ROGDI: variants seen among roughly 807,000 people sequenced by gnomAD.
ROGDI encodes rogdi atypical leucine zipper.
ROGDI carries 46 observed loss-of-function variants against 43.1 expected under a neutral mutation model. That is an observed-to-expected ratio of 1.07 (90% CI 0.84 to 1.37). ROGDI has a LOEUF of 1.37. Among genes scored for constraint, ROGDI ranks in the 40% most tolerant of loss-of-function variants. The pLI is 0.00. For synonymous variants in ROGDI, 243 were observed against 162.0 expected (o/e 1.50, Z -3.80); for missense variants, 518 against 383.9 (o/e 1.35, Z -2.92).
At chr16:4,798,041 G>C (rs761076573) in intron 8 of ROGDI, 30 bp downstream of exon 8, 18 of 1,613,476 alleles carry the variant, frequency 1.1e-5, no homozygotes, top group Non-Finnish European at 1.4e-5. Context: ...TGCATGGCGG[G>C]CAGTGGGCCG....
rs202112305 is a variant in ROGDI at position 4,797,426 on chromosome 16, C to G, written c.*34G>C. 1.2e-6 allele frequency: 2 copies of G among 1,602,654 alleles called. No individual in the cohort carries two copies. The highest frequency in any genetic ancestry group is 2.2e-5 in the South Asian group (2 of 89,334). On this transcript the variant is annotated 3_prime_UTR_variant, in exon 11 of 11. Transcript: ENST00000322048. ...GGTGGGTATGAGTAGGGGACGGGGC[C>G]GCCTTCCTGGAGACAAGCTCCTGGG... is the stretch of plus-strand genomic sequence containing the variant.
chr16:4,802,265 A>G, intron 2 of ROGDI, 117 bp downstream of exon 2: 1 of 961,720 alleles, frequency 1.0e-6, no homozygotes, highest in Non-Finnish European at 1.6e-6. Context: ...CCTGCCTGAA[A>G]GCCGCGGCAG....
chr16:4,802,167 C>A (rs537216996), intron 2 of ROGDI: 6 of 652,562 alleles, frequency 9.2e-6, no homozygotes, highest in East Asian at 5.8e-5. Flanking sequence ...GGGACTCAGG[C>A]CCTTGCTAGC....
chr16:4,800,352 C>A (rs984195853), intron 5 of ROGDI, 146 bp downstream of exon 5: 10 of 679,746 alleles, frequency 1.5e-5, no homozygotes, highest in Admixed American at 2.8e-5. Context: ...GAAACGCCTG[C>A]CCCCAGCTTT....
At chr16:4,802,218 A>C in intron 2 of ROGDI, 164 bp downstream of exon 2, 1 of 693,292 alleles carries the variant, frequency 1.4e-6, no homozygotes, top group Non-Finnish European at 2.5e-6. Context: ...ACAGGTACTT[A>C]TATAATGAGG....
At chr16:4,798,314 T>C in intron 7 of ROGDI, 130 bp from the exon 8 acceptor site, 1 of 832,204 alleles carries the variant, frequency 1.2e-6, no homozygotes, top group South Asian at 1.6e-5. Flanking sequence ...TTCTCATCAA[T>C]GGGGGCTTCC....
At chr16:4,802,353 G>A (rs1036982906) in intron 2 of ROGDI, 29 bp downstream of exon 2, 3 of 1,544,184 alleles carry the variant, frequency 1.9e-6, no homozygotes, top group Non-Finnish European at 1.7e-6. Flanking sequence ...GGGCCGCCAC[G>A]CCCGGCGGGG....
chr16:4,800,610 T>A, intron 4 of ROGDI, 32 bp from the exon 5 acceptor site: 1 of 1,514,126 alleles, frequency 6.6e-7, no homozygotes, highest in Non-Finnish European at 9.0e-7. Flanking sequence ...AGCTGGGCAG[T>A]GGGGGGGCAC....
chr16:4,800,916 T>A, intron 4 of ROGDI: 1 of 487,440 alleles, frequency 2.1e-6, no homozygotes, highest in Non-Finnish European at 3.6e-6. Context: ...GAGGGGGGCC[T>A]CCCCCCACGC....
intron 2 of ROGDI, chr16:4,801,936 G>T (rs1044421222): frequency 1.1e-4 from 61 of 570,114 alleles, no homozygotes; most frequent in Non-Finnish European, 2.0e-4. Context: ...GCCACAGCAA[G>T]CACTACGCCG....
rs370388318 is a variant in ROGDI at position 4,797,839 on chromosome 16, C to T, written c.697G>A (p.Glu233Lys). Residue 233 changes from glutamate (E) to lysine (K), a missense_variant and splice_region_variant, in exon 10 of 11, where the codon GAG becomes AAG. Glu to Lys is a moderately conservative substitution (Grantham distance 56). Transcript: ENST00000322048. ...AVLHSPGAMF[E>K]WGSQRLEVSH... ...ACCTCCAGGCGCTGAGAGCCCCACT[C>T]GCTGTGGGCAGTGAGAGGGTCCCTG... The T allele has an allele frequency of 7.1e-5, 115 of 1,611,160 alleles. No homozygotes were observed. The highest frequency in any genetic ancestry group is 4.9e-4 in the Middle Eastern group (3 of 6,084).
At chr16:4,797,612 G>C in intron 10 of ROGDI, 102 bp downstream of exon 10, 2 of 516,420 alleles carry the variant, frequency 3.9e-6, no homozygotes, top group South Asian at 6.6e-5. Flanking sequence ...CTGCCTCGCA[G>C]TGCTGTGGGG....
At chr16:4,801,747 C>A in intron 2 of ROGDI, 162 bp from the exon 3 acceptor site, 1 of 645,318 alleles carries the variant, frequency 1.5e-6, no homozygotes, top group South Asian at 1.8e-5. Flanking sequence ...CCCAAGCCCC[C>A]AGGGCACCTA....
In ROGDI at chr16:4,798,081, T is replaced by A. The variant is rs756082866; in HGVS notation, c.635A>T (p.Asn212Ile). ...TVYQLHALQP[N>I]STKNFRPAGG... ...GGGGTCCCTCCTCACCTTGGTGGAG[T>A]TGGGCTGCAGGGCATGCAGCTGGTA... Residue 212 changes from asparagine (N) to isoleucine (I), a missense_variant, in exon 8 of 11, where the codon AAC (asparagine) becomes ATC (isoleucine). By Grantham distance (149) the Asn-to-Ile change is moderately radical. Transcript: ENST00000322048. 1 of 1,613,614 alleles carries A rather than the reference T, an allele frequency of 6.2e-7. No individual in the cohort carries two copies. Among genetic ancestry groups the A allele is most frequent in the East Asian group, 2.2e-5 (1 of 44,874 alleles).
chr16:4,798,535 C>G (rs1278362736), intron 7 of ROGDI, 34 bp downstream of exon 7: 24 of 1,495,294 alleles, frequency 1.6e-5, no homozygotes, highest in Non-Finnish European at 2.1e-5. Context: ...TGTGGGACCC[C>G]TCTCCTGCAG....
intron 7 of ROGDI, 66 bp downstream of exon 7, chr16:4,798,503 C>G (rs2082681467): frequency 7.6e-7 from 1 of 1,312,068 alleles, no homozygotes; most frequent in Non-Finnish European, 1.0e-6. Flanking sequence ...CGCGTCCATC[C>G]TGAGGGCAAG....
chr16:4,800,317 C>T (rs1488445231), intron 5 of ROGDI, among the ~76,000 whole-genome samples, 181 bp downstream of exon 5: 4 of 152,232 alleles, frequency 2.6e-5, no homozygotes, highest in Admixed American at 6.5e-5. Flanking sequence ...TACCTCCCCA[C>T]ATGGCGCAGC....
rs773486002 is a variant in ROGDI at position 4,797,947 on chromosome 16, C to G, written c.686G>C (p.Gly229Ala). The change falls in exon 9 of 11, where the codon GGG (glycine) becomes GCG (alanine). Residue 229 changes from glycine (G) to alanine (A), a missense_variant. Gly to Ala is a moderately conservative substitution (Grantham distance 60). Coordinates refer to ENST00000322048, the MANE Select transcript of ROGDI (RefSeq NM_024589.3). ...PAGGAVLHSP[G>A]AMFEWGSQRL... ...GCCCCTGCCTACTTACAACATGGCC[C>G]CAGGGCTATGCAGCACCGCGCCCCC... is the stretch of plus-strand genomic sequence containing the variant. The G allele has an allele frequency of 7.5e-6, 12 of 1,603,196 alleles. No homozygotes were observed. In the South Asian group the frequency reaches 1.2e-4, roughly 16 times the overall value.
At chr16:4,798,911 G>C in intron 6 of ROGDI, 2 of 534,588 alleles carry the variant, frequency 3.7e-6, no homozygotes, top group Non-Finnish European at 6.5e-6. Context: ...CCTGGGTGCT[G>C]GATCAATGGG....
Sources: gnomAD v4.1 joint callset for allele counts (sites outside exome capture counted in the v4.1 genomes callset) on GRCh38, gnomAD v4.1.1 for gene constraint, MANE v1.5 for transcripts, NCBI Gene and HGNC (gene_info 2026-07-23, HGNC 2026-07-21) for gene names.